The following RBM23 variants were observed in gnomAD, a reference collection of about 807,000 sequenced individuals.
RBM23 encodes the protein RNA binding motif protein 23, also known as probable RNA-binding protein 23.
Under a neutral mutation model 56.2 loss-of-function variants are expected in RBM23, and 53 were observed. That is an observed-to-expected ratio of 0.94 (90% CI 0.76 to 1.19). RBM23 has a LOEUF of 1.19. RBM23 is among the 50% of genes most tolerant of loss of function. RBM23 has a pLI of 0.00. For missense variants in RBM23, 642 were observed against 590.3 expected (o/e 1.09, Z -0.91); for synonymous variants, 197 against 198.5 (o/e 0.99, Z 0.06).
At chr14:22,908,542 A>T in intron 3 of RBM23, 162 bp from the exon 4 acceptor site, 1 of 650,884 alleles carries the variant, frequency 1.5e-6, no homozygotes, top group Non-Finnish European at 2.5e-6. Context: ...ACAGGCATGT[A>T]CCATCATGCC....
chr14:22,894,656 T>A lies in RBM23; in HGVS notation c.*7074A>T, dbSNP rs899458716. The A allele has an allele frequency of 6.6e-6, 1 of 151,490 alleles. No homozygotes were observed. The highest frequency in any genetic ancestry group is 2.1e-4 in the South Asian group (1 of 4,792). 9.4% of individuals were successfully genotyped at this position (151,490 alleles called of 1,614,324 possible). On this transcript the variant is annotated 3_prime_UTR_variant, in exon 14 of 14. Transcript: ENST00000359890. ...ATCACTTGAACCCGGGAAGCAGAGG[T>A]TGAAGTGAGCAGAGATCGCAGTGAG...
At position 22,913,431 on chromosome 14, in the gene RBM23, A is replaced by ATT. The variant is rs755462711; in HGVS notation, c.-10-2030_-10-2029dup. On this transcript the variant is annotated intron_variant, in intron 1 of 13. Coordinates refer to ENST00000359890, the MANE Select transcript of RBM23 (RefSeq NM_001077351.2). ...TCCGTCTCAAAAAAAAAAAAAAAAA[A>ATT]TTAAAAAAAATTAAAAGGGCACAAG... Among the ~76,000 whole-genome samples, 65 of 147,342 alleles carry ATT rather than the reference A, an allele frequency of 4.4e-4. No individual in the cohort carries two copies. The East Asian group carries it at 8.3e-3, about 19-fold the overall frequency.
At position 22,893,338 on chromosome 14, in the gene RBM23, T is replaced by G. The variant is rs2040195681; in HGVS notation, c.*8392A>C. 1 of 152,236 alleles carries G rather than the reference T, an allele frequency of 6.6e-6. No individual in the cohort carries two copies. 9.4% of individuals were successfully genotyped at this position (152,236 alleles called of 1,614,324 possible). On this transcript the variant is annotated 3_prime_UTR_variant, in exon 14 of 14. Coordinates refer to ENST00000359890, the MANE Select transcript of RBM23 (RefSeq NM_001077351.2). ...TTGTTTCTCTCAAGTACTAAACATCTGCAATATGCCAATCAGTGTGCCGGG... is the reference window on the plus strand; with the variant it reads ...TTGTTTCTCTCAAGTACTAAACATCGGCAATATGCCAATCAGTGTGCCGGG...
At position 22,896,753 on chromosome 14, in the gene RBM23, G is replaced by C. The variant is rs889711859; in HGVS notation, c.*4977C>G. ...TTTCCTTGCACCCACCTTCCCACGT[G>C]ATCTAAGTTGGTTGGTCTGCTTCAC... On this transcript the variant is annotated 3_prime_UTR_variant, in exon 14 of 14. Transcript: ENST00000359890. 1 of 152,170 alleles carries C rather than the reference G, an allele frequency of 6.6e-6. No homozygotes were observed. Among genetic ancestry groups the C allele is most frequent in the Non-Finnish European group, 1.5e-5 (1 of 68,058 alleles). 9.4% of individuals were successfully genotyped at this position (152,170 alleles called of 1,614,324 possible).
chr14:22,908,459 C>T, intron 3 of RBM23, 79 bp from the exon 4 acceptor site: 6 of 1,473,262 alleles, frequency 4.1e-6, no homozygotes, highest in Non-Finnish European at 5.5e-6. Context: ...GTGGTGCAAT[C>T]TTGGCTCACT....
chr14:22,916,791 T>C (rs898534995), intron 1 of RBM23, among the ~76,000 whole-genome samples: 6 of 152,238 alleles, frequency 3.9e-5, no homozygotes, highest in South Asian at 4.1e-4. Context: ...GAGTCTCCTA[T>C]ATCTGAGGCA....
In RBM23 at chr14:22,901,591, TG is replaced by T; in HGVS notation, c.*138del. 7.9e-7 allele frequency: 1 copy of T among 1,267,106 alleles called. No individual in the cohort carries two copies. Among genetic ancestry groups the T allele is most frequent in the Non-Finnish European group, 1.1e-6 (1 of 889,462 alleles). The allele number at this position is 1,267,106 out of a possible 1,614,324, so 78.5% of individuals were successfully genotyped here. ...GGAGCTTTTCTTGGTATCTTAAGGGTGGCCCCAATTTCCTCAGAGACAATGT... is the reference window on the plus strand; with the variant it reads ...GGAGCTTTTCTTGGTATCTTAAGGGTGCCCCAATTTCCTCAGAGACAATGT... On this transcript the variant is annotated 3_prime_UTR_variant, in exon 14 of 14. Coordinates refer to ENST00000359890, the MANE Select transcript of RBM23 (RefSeq NM_001077351.2).
chr14:22,906,519 A>G (rs2041593731), intron 4 of RBM23, 151 bp from the exon 5 acceptor site: 1 of 935,860 alleles, frequency 1.1e-6, no homozygotes, highest in Non-Finnish European at 1.6e-6. Context: ...GTAATGTATT[A>G]CTTATGTGTT....
Position 22,905,407 on chromosome 14 carries a change from CTG to C in RBM23, c.500_501del (p.Thr167SerfsTer40). 2 of 1,614,174 alleles carry C rather than the reference CTG, an allele frequency of 1.2e-6. No homozygotes were observed. The highest frequency in any genetic ancestry group is 1.7e-6 in the Non-Finnish European group (2 of 1,180,044). On this transcript the variant is annotated frameshift_variant, in exon 7 of 14. Transcript: ENST00000359890. LOFTEE classifies it high-confidence loss of function. ...CGGGCAGCTAACTGCATACAGAAAA[CTG>C]TGCGGGCATCACGCTCCTCAGGACT... ...NLSPEERDAR[T>X]VFCMQLAARI...
At position 22,903,870 on chromosome 14, in the gene RBM23, A is replaced by G. The variant is rs922243366; in HGVS notation, c.930+391T>C. 6 of 1,152,128 alleles carry G rather than the reference A, an allele frequency of 5.2e-6. No homozygotes were observed. The South Asian group carries it at 9.7e-5, about 19-fold the overall frequency. 71.4% of individuals were successfully genotyped at this position (1,152,128 alleles called of 1,614,324 possible). A position where few individuals can be genotyped will look rare whatever the true frequency, so the allele number is the denominator to read the frequency against. ...CTTCAAATGGGGTAGCACCAGAGGGAAGTATAATTTCCTATTCCCATCCCT... is the reference window on the plus strand; with the variant it reads ...CTTCAAATGGGGTAGCACCAGAGGGGAGTATAATTTCCTATTCCCATCCCT... On this transcript the variant is annotated intron_variant, in intron 10 of 13. Transcript: ENST00000359890.
intron 5 of RBM23, 101 bp from the exon 6 acceptor site, chr14:22,905,760 G>GT (rs1191377258): frequency 4.3e-6 from 4 of 934,188 alleles, no homozygotes; most frequent in African/African-American, 1.6e-5. Context: ...TCATCTCATT[G>GT]TTTTTTTAAG....
At position 22,901,460 on chromosome 14, in the gene RBM23, G is replaced by C; in HGVS notation, c.*270C>G. The C allele has an allele frequency of 1.7e-6, 1 of 580,442 alleles. No individual in the cohort carries two copies. Among genetic ancestry groups the C allele is most frequent in the Non-Finnish European group, 3.1e-6 (1 of 325,030 alleles). 36.0% of individuals were successfully genotyped at this position (580,442 alleles called of 1,614,324 possible). A position where few individuals can be genotyped will look rare whatever the true frequency, so the allele number is the denominator to read the frequency against. On this transcript the variant is annotated 3_prime_UTR_variant, in exon 14 of 14. Coordinates refer to ENST00000359890, the MANE Select transcript of RBM23 (RefSeq NM_001077351.2). ...TGGAAAGGGCAAGAAGGTAATCTCA[G>C]AGACGATACACATGGAGAAACAGGT...
intron 1 of RBM23, chr14:22,917,880 C>T (rs1378640869): frequency 6.6e-6 from 1 of 152,238 alleles, no homozygotes; most frequent in South Asian, 2.1e-4. Flanking sequence ...AACAGATAGA[C>T]CCCACTGCTA....
Position 22,906,306 on chromosome 14 carries a change from T to C in RBM23, c.290A>G (p.Gln97Arg). ...CCAGCTACGGCTACGGTGACGACAC[T>C]GCCGACCTGGACTTCGGCTCCGACT... ...RNSRSRSPGRQCRHRSRSWDR... is the reference protein window; with the variant it reads ...RNSRSRSPGRRCRHRSRSWDR... The change falls in exon 5 of 14, where the codon CAG (glutamine) becomes CGG (arginine). Residue 97 changes from glutamine (Q) to arginine (R), a missense_variant. By Grantham distance (43) the Gln-to-Arg change is conservative. Transcript: ENST00000359890. 6.2e-7 allele frequency: 1 copy of C among 1,614,236 alleles called. No individual in the cohort carries two copies. Among genetic ancestry groups the C allele is most frequent in the Non-Finnish European group, 8.5e-7 (1 of 1,180,044 alleles).
At chr14:22,912,130 A>C (rs2042633215) in intron 1 of RBM23, among the ~76,000 whole-genome samples, 1 of 152,198 alleles carries the variant, frequency 6.6e-6, no homozygotes, top group African/African-American at 2.4e-5. Flanking sequence ...TTTAAACTCA[A>C]ATAATAAAAA....
rs142207283 is a variant in RBM23, at chr14:22,917,961, T to C, written c.-11+1038A>G. On this transcript the variant is annotated intron_variant, in intron 1 of 13. Coordinates refer to ENST00000359890, the MANE Select transcript of RBM23 (RefSeq NM_001077351.2). The stretch of plus-strand genomic sequence containing the variant: ...CGAAAAGCTGGAGCCCCAGGGGTGA[T>C]GGTAGCGCCATCCCCAGGGTCTGAT... 6.7e-3 allele frequency among the ~76,000 whole-genome samples: 1,023 copies of C among 152,260 alleles called. 11 individuals are homozygous for C. Among genetic ancestry groups the C allele is most frequent in the African/African-American group, 0.023 (963 of 41,548 alleles).
Position 22,898,349 on chromosome 14 carries a change from TG to T in RBM23, c.*3380del, listed in dbSNP as rs1342564098. 1.3e-5 allele frequency: 2 copies of T among 152,190 alleles called. No homozygotes were observed. Among genetic ancestry groups the T allele is most frequent in the African/African-American group, 4.8e-5 (2 of 41,444 alleles). 9.4% of individuals were successfully genotyped at this position (152,190 alleles called of 1,614,324 possible). A position where few individuals can be genotyped will look rare whatever the true frequency, so the allele number is the denominator to read the frequency against. On this transcript the variant is annotated 3_prime_UTR_variant, in exon 14 of 14. Coordinates refer to ENST00000359890, the MANE Select transcript of RBM23 (RefSeq NM_001077351.2). ...GAGAATCTTTTCTAGAACTGAAGAC[TG>T]GTAGGGAAATTCTAACTATGCTGGC...
At position 22,914,986 on chromosome 14, in the gene RBM23, C is replaced by CAAA. The variant is rs367972024; in HGVS notation, c.-10-3586_-10-3584dup. On this transcript the variant is annotated intron_variant, in intron 1 of 13. Transcript: ENST00000359890. ...TGTAAGATGGAGTAAGACTCCATCT[C>CAAA]AAAAAAAAAAAAAAAAAAGAGGAAC... Among the ~76,000 whole-genome samples, 172 of 101,876 alleles carry CAAA rather than the reference C, an allele frequency of 1.7e-3. 3 individuals carry two copies. The highest frequency in any genetic ancestry group is 4.5e-3 in the African/African-American group (106 of 23,630). The allele number at this position is 101,876 out of a possible 152,430, so 66.8% of individuals were successfully genotyped here.
chr14:22,902,316 G>A lies in RBM23; in HGVS notation c.997C>T (p.Pro333Ser). 6.2e-7 allele frequency: 1 copy of A among 1,614,068 alleles called. No homozygotes were observed. The highest frequency in any genetic ancestry group is 8.5e-7 in the Non-Finnish European group (1 of 1,180,026). The change falls in exon 11 of 14, where the codon CCT becomes TCT. Residue 333 changes from proline (P) to serine (S), a missense_variant. Transcript: ENST00000359890. ...TCAGTCACATGGCCAACCCTCATAG[G>A]TCGACCAGCAAGCTCAAACCCATTC... ...QLNGFELAGR[P>S]MRVGHVTERL...
Sources: gnomAD v4.1 joint callset for allele counts (sites outside exome capture counted in the v4.1 genomes callset) on GRCh38, gnomAD v4.1.1 for gene constraint, MANE v1.5 for transcripts, NCBI Gene and HGNC (gene_info 2026-07-23, HGNC 2026-07-21) for gene names.